PTPRM: variants seen among roughly 807,000 people sequenced by gnomAD.
The protein encoded by PTPRM is protein tyrosine phosphatase receptor type M.
PTPRM carries 47 observed loss-of-function variants against 186.7 expected under a neutral mutation model. The ratio of observed to expected loss-of-function variants is 0.25; its 90% confidence interval spans 0.20 to 0.32. The LOEUF is 0.32. PTPRM is among the 10% of genes least tolerant of loss of function. PTPRM has a pLI of 1.00. For synonymous variants in PTPRM, 668 were observed against 674.9 expected (o/e 0.99, Z 0.16); for missense variants, 1,494 against 1,865.0 (o/e 0.80, Z 3.66).
intron 13 of PTPRM, among the ~76,000 whole-genome samples, chr18:8,118,135 T>G (rs2092026294): frequency 6.6e-6 from 1 of 152,220 alleles, no homozygotes; most frequent in African/African-American, 2.4e-5. Flanking sequence ...TTATATTGAA[T>G]GAGGTCTATT....
Position 7,889,363 on chromosome 18 carries a change from G to A in PTPRM, c.468+986G>A, listed in dbSNP as rs1423443513. Among the ~76,000 whole-genome samples, 39 of 134,088 alleles carry A rather than the reference G, an allele frequency of 2.9e-4. 1 individual carries two copies. Among genetic ancestry groups the A allele is most frequent in the Non-Finnish European group, 1.5e-4 (10 of 64,882 alleles). 88.0% of individuals were successfully genotyped at this position (134,088 alleles called of 152,430 possible). ...TTTTTTTTTTTTTTTTTGAGACTGG[G>A]ACTCGTTCCATCACCCGGGCTGGAG... On this transcript the variant is annotated intron_variant, in intron 3 of 32. Coordinates refer to ENST00000580170, the MANE Select transcript of PTPRM (RefSeq NM_001105244.2).
At chr18:7,985,531 A>G (rs2082908570) in intron 7 of PTPRM, among the ~76,000 whole-genome samples, 1 of 137,332 alleles carries the variant, frequency 7.3e-6, no homozygotes, top group South Asian at 2.3e-4. Flanking sequence ...GTAGATACGT[A>G]TATAAATATA....
At position 7,846,779 on chromosome 18, in the gene PTPRM, G is replaced by A. The variant is rs566370460; in HGVS notation, c.197-41327G>A. ...CTGTTTTGCCTACCTGCTTGTCTTC[G>A]GAGCTCTGCTCAGCTATTCTGAGTA... On this transcript the variant is annotated intron_variant, in intron 2 of 32. Coordinates refer to ENST00000580170, the MANE Select transcript of PTPRM (RefSeq NM_001105244.2). 7.2e-5 allele frequency among the ~76,000 whole-genome samples: 11 copies of A among 152,056 alleles called. No homozygotes were observed. In the South Asian group the frequency reaches 1.9e-3, roughly 26 times the overall value.
intron 13 of PTPRM, among the ~76,000 whole-genome samples, chr18:8,125,972 T>TATGC (rs2092326142): frequency 1.1e-5 from 1 of 87,550 alleles, no homozygotes. Flanking sequence ...TATGTGTGTG[T>TATGC]ATACATATAT....
Position 8,088,387 on chromosome 18 carries a change from G to A in PTPRM, c.1754-362G>A, listed in dbSNP as rs145600079. Among the ~76,000 whole-genome samples, 36 of 152,292 alleles carry A rather than the reference G, an allele frequency of 2.4e-4. No homozygotes were observed. The East Asian group carries it at 6.8e-3, about 29-fold the overall frequency. On this transcript the variant is annotated intron_variant, in intron 10 of 32. Transcript: ENST00000580170. ...CCTTTAGCATAAACAGTTTATTTGA[G>A]AATTCATATGTACAGAAAAGTGTAC...
At chr18:8,404,998 CA>C (rs2095895620) in intron 32 of PTPRM, 2 of 152,014 alleles carry the variant, frequency 1.3e-5, no homozygotes, top group Non-Finnish European at 1.5e-5. Context: ...AAGCTGAGCT[CA>C]AGAAAAATGA....
chr18:7,620,081 T>G (rs189272426), intron 1 of PTPRM, among the ~76,000 whole-genome samples: 1 of 152,260 alleles, frequency 6.6e-6, no homozygotes, highest in East Asian at 1.9e-4. Flanking sequence ...AAGTACTAGA[T>G]TTTTCTCTAG....
intron 9 of PTPRM, among the ~76,000 whole-genome samples, chr18:8,083,537 TTC>T (rs1391227486): frequency 4.6e-5 from 7 of 152,126 alleles, no homozygotes; most frequent in Non-Finnish European, 7.4e-5. Context: ...CCCCTGACAG[TTC>T]TCCTTATTTT....
chr18:7,919,033 C>T (rs1225794779), intron 4 of PTPRM, among the ~76,000 whole-genome samples: 1 of 152,130 alleles, frequency 6.6e-6, no homozygotes, highest in Non-Finnish European at 1.5e-5. Flanking sequence ...TTCCCAGCAG[C>T]AGTTATTGAA....
chr18:8,251,373 G>A (rs1483098137), intron 17 of PTPRM, among the ~76,000 whole-genome samples: 1 of 152,208 alleles, frequency 6.6e-6, no homozygotes, highest in Non-Finnish European at 1.5e-5. Context: ...ATAAAGAACA[G>A]AACTTCCTGC....
intron 5 of PTPRM, 137 bp from the exon 6 acceptor site, chr18:7,949,044 A>C (rs1430097798): frequency 4.0e-6 from 3 of 748,940 alleles, no homozygotes; most frequent in Non-Finnish European, 6.2e-6. Context: ...CTCCTGGTAC[A>C]ACTGCCCATG....
intron 4 of PTPRM, among the ~76,000 whole-genome samples, chr18:7,921,063 T>G (rs1377041878): frequency 6.6e-6 from 1 of 152,150 alleles, no homozygotes; most frequent in Non-Finnish European, 1.5e-5. Context: ...TTATATCTTT[T>G]GGGGTAGCCT....
At chr18:7,980,429 C>T (rs914089701) in intron 7 of PTPRM, among the ~76,000 whole-genome samples, 3 of 152,026 alleles carry the variant, frequency 2.0e-5, no homozygotes, top group Admixed American at 6.6e-5. Context: ...CTCTGTCACC[C>T]AGGCTGGAGT....
intron 1 of PTPRM, among the ~76,000 whole-genome samples, chr18:7,676,309 A>G (rs555293287): frequency 6.6e-6 from 1 of 152,272 alleles, no homozygotes; most frequent in South Asian, 2.1e-4. Flanking sequence ...GAGCCCTGGC[A>G]TTAAGGAAAA....
At chr18:8,238,669 T>TTTTTTG (rs2094378845) in intron 14 of PTPRM, among the ~76,000 whole-genome samples, 6 of 140,994 alleles carry the variant, frequency 4.3e-5, no homozygotes, top group African/African-American at 1.6e-4. Context: ...TTTTTTTTTT[T>TTTTTTG]TTTTTTTTTT....
At chr18:8,159,322 G>A (rs183416244) in intron 14 of PTPRM, among the ~76,000 whole-genome samples, 79 of 152,252 alleles carry the variant, frequency 5.2e-4, no homozygotes, top group East Asian at 3.9e-3. Context: ...TCCCCTGGAA[G>A]ATGTTCTTAT....
At chr18:8,003,006 T>C (rs150950615) in intron 7 of PTPRM, among the ~76,000 whole-genome samples, 1 of 152,268 alleles carries the variant, frequency 6.6e-6, no homozygotes, top group East Asian at 1.9e-4. Flanking sequence ...AAAGATGAAA[T>C]ATACAAAACA....
chr18:8,317,755 G>A (rs1320415671), intron 21 of PTPRM, among the ~76,000 whole-genome samples: 1 of 152,160 alleles, frequency 6.6e-6, no homozygotes, highest in African/African-American at 2.4e-5. Context: ...AGTAGATAAG[G>A]ACTGAGAAAT....
chr18:7,693,308 T>A (rs530043712), intron 1 of PTPRM, among the ~76,000 whole-genome samples: 6 of 152,290 alleles, frequency 3.9e-5, no homozygotes, highest in South Asian at 2.1e-4. Context: ...TAAGAGCTGT[T>A]CTTATCCACT....
Sources: gnomAD v4.1 joint callset for allele counts (sites outside exome capture counted in the v4.1 genomes callset) on GRCh38, gnomAD v4.1.1 for gene constraint, MANE v1.5 for transcripts, NCBI Gene and HGNC (gene_info 2026-07-23, HGNC 2026-07-21) for gene names.